Variants in RANBP2 observed in about 807,000 individuals in gnomAD.
RANBP2 encodes RAN binding protein 2.
Under a neutral mutation model 303.6 loss-of-function variants are expected in RANBP2, and 57 were observed. The ratio of observed to expected loss-of-function variants is 0.19; its 90% CI spans 0.15 to 0.23. The LOEUF is 0.23. RANBP2 is among the 10% of genes least tolerant of loss of function. The probability of loss-of-function intolerance (pLI) is 1.00; values close to 1 mark genes in which losing one functional copy is unlikely to be tolerated. For synonymous variants in RANBP2, 1,167 were observed against 1,301.5 expected, an observed-to-expected ratio of 0.90 and a Z score of 2.23; for missense variants, 3,138 against 3,780.8, an observed-to-expected ratio of 0.83 and a Z score of 4.46.
the RANBP2 span, among the ~76,000 whole-genome samples, chr2:109,301,207 G>A: frequency 1.3e-5 from 2 of 152,274 alleles, no homozygotes; most frequent in South Asian, 4.1e-4. Context: ...CTCTGCGCAG[G>A]CTGATGTCAG....
At chr2:109,397,216 A>T in the RANBP2 span, among the ~76,000 whole-genome samples, 1 of 152,128 alleles carries the variant, frequency 6.6e-6, no homozygotes, top group Non-Finnish European at 1.5e-5. Context: ...ACTCAGAGAC[A>T]GCTCCCGCTT....
chr2:109,702,267 G>A, the RANBP2 span, among the ~76,000 whole-genome samples: 1 of 152,184 alleles, frequency 6.6e-6, no homozygotes, highest in African/African-American at 2.4e-5. Flanking sequence ...AACAAACTTG[G>A]AGGGTTAAAA....
At chr2:109,401,260 T>C in the RANBP2 span, among the ~76,000 whole-genome samples, 17 of 152,282 alleles carry the variant, frequency 1.1e-4, no homozygotes, top group South Asian at 3.3e-3. Flanking sequence ...ATGTGAACAG[T>C]CGAAAGTTGT....
chr2:109,129,999 GGGC>G, the RANBP2 span: 2 of 1,296,192 alleles, frequency 1.5e-6, no homozygotes, highest in Non-Finnish European at 1.9e-6. Context: ...CGGGCGGCGG[GGGC>G]GGCGCGGCAG....
the RANBP2 span, among the ~76,000 whole-genome samples, chr2:108,921,621 T>C: frequency 6.6e-6 from 1 of 152,166 alleles, no homozygotes; most frequent in South Asian, 2.1e-4. Context: ...AGTGACTCCA[T>C]GGGGCTTTCT....
At chr2:108,817,581 G>A in the RANBP2 span, among the ~76,000 whole-genome samples, 59 of 152,264 alleles carry the variant, frequency 3.9e-4, no homozygotes, top group African/African-American at 2.2e-4. Context: ...ATGAGCCACC[G>A]TGCCCAGCCA....
chr2:109,467,500 G>A, the RANBP2 span, among the ~76,000 whole-genome samples: 1 of 152,326 alleles, frequency 6.6e-6, no homozygotes, highest in East Asian at 1.9e-4. Flanking sequence ...AGGACAGCAG[G>A]ACTGGGGGGC....
chr2:109,379,851 C>T, the RANBP2 span, among the ~76,000 whole-genome samples: 1 of 152,102 alleles, frequency 6.6e-6, no homozygotes, highest in East Asian at 1.9e-4. Flanking sequence ...GACCAGGAAG[C>T]ACCCAATGGC....
At chr2:109,680,549 C>T in the RANBP2 span, among the ~76,000 whole-genome samples, 1 of 152,074 alleles carries the variant, frequency 6.6e-6, no homozygotes, top group Non-Finnish European at 1.5e-5. Context: ...TTAAGGTTGT[C>T]AAAAATGTTA....
the RANBP2 span, among the ~76,000 whole-genome samples, chr2:109,582,070 C>T: frequency 1.0e-5 from 1 of 100,350 alleles, no homozygotes; most frequent in Non-Finnish European, 2.0e-5. Flanking sequence ...ATGCCATGTA[C>T]AACAGACACA....
At chr2:108,772,105 G>T (rs1413472680) in intron 21 of RANBP2, among the ~76,000 whole-genome samples, 1 of 152,230 alleles carries the variant, frequency 6.6e-6, no homozygotes, top group Non-Finnish European at 1.5e-5. Flanking sequence ...GTTTTGAGGG[G>T]ATTTAAAATA....
the RANBP2 span, among the ~76,000 whole-genome samples, chr2:109,553,976 C>T: frequency 1.3e-5 from 2 of 152,042 alleles, no homozygotes; most frequent in Non-Finnish European, 2.9e-5. Context: ...CAATTTTTAC[C>T]ATAGGGTAAT....
chr2:109,518,271 C>G, the RANBP2 span, among the ~76,000 whole-genome samples: 1 of 152,208 alleles, frequency 6.6e-6, no homozygotes, highest in Non-Finnish European at 1.5e-5. Context: ...CTACACAGGC[C>G]GGCCCTCCAG....
chr2:108,811,351 G>A, the RANBP2 span, among the ~76,000 whole-genome samples: 4 of 143,804 alleles, frequency 2.8e-5, no homozygotes, highest in Non-Finnish European at 6.0e-5. Flanking sequence ...CTTAAACCAC[G>A]CTTCTGCTTC....
chr2:109,641,013 G>T, the RANBP2 span, among the ~76,000 whole-genome samples: 1 of 152,116 alleles, frequency 6.6e-6, no homozygotes, highest in African/African-American at 2.4e-5. Context: ...AGATATTTGG[G>T]ATGTCTAAAA....
the RANBP2 span, among the ~76,000 whole-genome samples, chr2:109,632,241 A>T: frequency 6.6e-6 from 1 of 152,208 alleles, no homozygotes; most frequent in Non-Finnish European, 1.5e-5. Context: ...GCTAATCATA[A>T]GCATTGCACT....
chr2:109,625,087 C>CAACAAAAAAAAAAAAAAAAAAAAAA, the RANBP2 span, among the ~76,000 whole-genome samples: 1 of 60,122 alleles, frequency 1.7e-5, no homozygotes, highest in Non-Finnish European at 3.6e-5. Flanking sequence ...ACAACAACAA[C>CAACAAAAAAAAAAAAAAAAAAAAAA]AAAAAAAAAA....
the RANBP2 span, among the ~76,000 whole-genome samples, chr2:108,960,873 T>C: frequency 6.6e-6 from 1 of 152,260 alleles, no homozygotes; most frequent in Non-Finnish European, 1.5e-5. Context: ...GGCTATATAG[T>C]ATTCCACCAT....
the RANBP2 span, among the ~76,000 whole-genome samples, chr2:109,025,360 TAAG>T: frequency 3.3e-5 from 5 of 152,316 alleles, no homozygotes; most frequent in African/African-American, 1.2e-4. Flanking sequence ...GGGTATATAT[TAAG>T]GAGTGGAGTT....
Sources: gnomAD v4.1 joint callset for allele counts (sites outside exome capture counted in the v4.1 genomes callset) on GRCh38, gnomAD v4.1.1 for gene constraint, MANE v1.5 for transcripts, NCBI Gene and HGNC (gene_info 2026-07-23, HGNC 2026-07-21) for gene names.